RBFOX3: variants seen among roughly 807,000 people sequenced by gnomAD.
RBFOX3 encodes the protein RNA binding protein fox-1 homolog 3.
In RBFOX3, 17 loss-of-function variants were observed where a neutral mutation model predicts 48.7. The observed-to-expected ratio is 0.35, with a 90% CI of 0.24 to 0.52. The LOEUF is 0.52. Among genes scored for constraint, RBFOX3 ranks in the 20% least tolerant of loss-of-function variants. The probability of loss-of-function intolerance (pLI) is 0.94; values close to 1 mark genes in which losing one functional copy is unlikely to be tolerated. For synonymous variants in RBFOX3, 212 were observed against 209.5 expected (o/e 1.01, Z -0.10); for missense variants, 382 against 497.5 (o/e 0.77, Z 2.21).
intron 1 of RBFOX3, among the ~76,000 whole-genome samples, chr17:79,514,499 G>A (rs1461569831): frequency 3.3e-5 from 5 of 152,248 alleles, no homozygotes; most frequent in African/African-American, 9.6e-5. Flanking sequence ...CCTGAGTCAC[G>A]CCTCGTTGTT....
chr17:79,157,996 T>TA (rs2046199554), intron 4 of RBFOX3, among the ~76,000 whole-genome samples: 1 of 152,130 alleles, frequency 6.6e-6, no homozygotes, highest in African/African-American at 2.4e-5. Context: ...CCTAGTACCT[T>TA]AGAATGTGGC....
Position 79,214,292 on chromosome 17 carries a change from T to C in RBFOX3, c.-34+21474A>G, listed in dbSNP as rs1456137729. On this transcript the variant is annotated intron_variant, in intron 4 of 14. Coordinates refer to ENST00000693108, the MANE Select transcript of RBFOX3 (RefSeq NM_001350451.2). This position sits in a 1 kb window ranked among gnomAD's most constrained non-coding sequence, Gnocchi z 4.7. Reference sequence around the variant, plus strand: ...GTTGGTTGCCGGCATGAAAAAACACTTTGCTTAATGATTTTTAATAAAAAT... The same window carrying C: ...GTTGGTTGCCGGCATGAAAAAACACCTTGCTTAATGATTTTTAATAAAAAT... Among the ~76,000 whole-genome samples, 1 of 152,082 alleles carries C rather than the reference T, an allele frequency of 6.6e-6. No homozygotes were observed. The highest frequency in any genetic ancestry group is 1.5e-5 in the Non-Finnish European group (1 of 68,030).
chr17:79,224,914 A>G (rs74001693), intron 4 of RBFOX3, among the ~76,000 whole-genome samples: 14,649 of 152,236 alleles, frequency 0.096, 1,027 homozygotes, highest in African/African-American at 0.2. Context: ...AACCAGGAAA[A>G]CTATTAGTTA....
upstream of RBFOX3, among the ~76,000 whole-genome samples, chr17:79,611,387 G>C (rs1292920718): frequency 6.6e-6 from 1 of 151,754 alleles, no homozygotes; most frequent in African/African-American, 2.4e-5. Context: ...GGTGGGCTTC[G>C]GCGGTCAGCA....
chr17:79,461,209 T>C (rs2075323765), intron 2 of RBFOX3, among the ~76,000 whole-genome samples: 2 of 152,232 alleles, frequency 1.3e-5, no homozygotes, highest in Non-Finnish European at 2.9e-5. Context: ...TAACACATCC[T>C]TTCATTTCAC....
chr17:79,508,239 C>A (rs2083466732), intron 1 of RBFOX3, among the ~76,000 whole-genome samples: 1 of 152,176 alleles, frequency 6.6e-6, no homozygotes, highest in Non-Finnish European at 1.5e-5. Context: ...GCCATGGAGG[C>A]CAGCGTCAGC....
chr17:79,658,272 C>T, the RBFOX3 span, among the ~76,000 whole-genome samples: 2 of 150,170 alleles, frequency 1.3e-5, no homozygotes, highest in East Asian at 3.9e-4. Flanking sequence ...TCCCTCCCTC[C>T]CTGTCTCCTC....
Position 79,440,893 on chromosome 17 carries a change from G to A in RBFOX3, c.-175+41561C>T, listed in dbSNP as rs112556447. 1.3e-4 allele frequency among the ~76,000 whole-genome samples: 20 copies of A among 152,276 alleles called. 1 individual carries two copies. The highest frequency in any genetic ancestry group is 4.3e-4 in the African/African-American group (18 of 41,562). ...TCCTGGTCTTCCCCACACCCCATACGAGGGGACTTGGAGCTCTTTTCAGGC... is the reference window on the plus strand; with the variant it reads ...TCCTGGTCTTCCCCACACCCCATACAAGGGGACTTGGAGCTCTTTTCAGGC... On this transcript the variant is annotated intron_variant, in intron 2 of 14. Transcript: ENST00000693108.
At chr17:79,530,966 C>T (rs1291820449) in intron 1 of RBFOX3, among the ~76,000 whole-genome samples, 14 of 152,206 alleles carry the variant, frequency 9.2e-5, no homozygotes, top group African/African-American at 2.9e-4. Context: ...GCAGGAAGGC[C>T]GCCGTGGATG....
At position 79,204,053 on chromosome 17, in the gene RBFOX3, C is replaced by A. The variant is rs902776998; in HGVS notation, c.-34+31713G>T. On this transcript the variant is annotated intron_variant, in intron 4 of 14. Coordinates refer to ENST00000693108, the MANE Select transcript of RBFOX3 (RefSeq NM_001350451.2). The surrounding 1 kb of genome is among the most constrained non-coding windows in gnomAD (Gnocchi z 4.5). ...TCCATCTTTGCTAAGAGAAAGCAGA[C>A]TTTTCTCACCTGGAGAACCAGCAAA... Among the ~76,000 whole-genome samples the A allele has an allele frequency of 6.6e-6, 1 of 152,158 alleles. No homozygotes were observed. The highest frequency in any genetic ancestry group is 6.5e-5 in the Admixed American group (1 of 15,278).
intron 3 of RBFOX3, among the ~76,000 whole-genome samples, chr17:79,256,762 TCAAAAATTAG>T (rs1418933371): frequency 4.0e-5 from 6 of 151,662 alleles, no homozygotes; most frequent in African/African-American, 1.5e-4. Context: ...CACTAAAAAT[TCAAAAATTAG>T]CCGGGCATGG....
At chr17:79,218,914 G>A (rs899951886) in intron 4 of RBFOX3, among the ~76,000 whole-genome samples, 1 of 152,224 alleles carries the variant, frequency 6.6e-6, no homozygotes, top group African/African-American at 2.4e-5. Context: ...TCAGCCCATG[G>A]GGTGACCAGC....
chr17:79,557,717 G>C (rs1568413803), intron 1 of RBFOX3, among the ~76,000 whole-genome samples: 2 of 152,358 alleles, frequency 1.3e-5, no homozygotes, highest in East Asian at 3.9e-4. Flanking sequence ...AGGGAGGCTG[G>C]ACAGCCATAA....
At chr17:79,610,752 T>TC (rs1654707006) in intron 1 of RBFOX3, among the ~76,000 whole-genome samples, 74 bp downstream of exon 1, 1 of 151,706 alleles carries the variant, frequency 6.6e-6, no homozygotes, top group African/African-American at 2.4e-5. Flanking sequence ...CGCGGCCATG[T>TC]CCCCCTCCCC....
intron 4 of RBFOX3, among the ~76,000 whole-genome samples, chr17:79,151,305 G>T (rs1185529107): frequency 6.7e-6 from 1 of 149,958 alleles, no homozygotes; most frequent in African/African-American, 2.5e-5. Context: ...CCCTGGGTCA[G>T]CTGCCCCACG....
chr17:79,224,582 G>C (rs2060105067), intron 4 of RBFOX3, among the ~76,000 whole-genome samples: 1 of 152,202 alleles, frequency 6.6e-6, no homozygotes, highest in South Asian at 2.1e-4. Flanking sequence ...CTGCGGCCCA[G>C]GGATCCCCTG....
intron 3 of RBFOX3, among the ~76,000 whole-genome samples, chr17:79,251,401 C>T (rs991765882): frequency 6.6e-6 from 1 of 152,164 alleles, no homozygotes; most frequent in Non-Finnish European, 1.5e-5. Context: ...AAAGTTGATT[C>T]AGCACCCCCA....
chr17:79,428,323 C>G (rs1340429133), intron 2 of RBFOX3, among the ~76,000 whole-genome samples: 2 of 152,202 alleles, frequency 1.3e-5, no homozygotes, highest in African/African-American at 4.8e-5. Context: ...CGGGGCAGGA[C>G]GGTCTCCTGC....
chr17:79,330,964 T>G (rs1284759906), intron 2 of RBFOX3, among the ~76,000 whole-genome samples: 1 of 152,188 alleles, frequency 6.6e-6, no homozygotes, highest in African/African-American at 2.4e-5. Context: ...GTCATTTCAC[T>G]CTATGTTGCT....
Sources: allele counts gnomAD v4.1 joint callset (sites outside exome capture counted in the v4.1 genomes callset), GRCh38; gene constraint gnomAD v4.1.1; non-coding constraint Gnocchi (gnomAD v3.1); transcripts MANE v1.5; gene names NCBI Gene and HGNC (gene_info 2026-07-23, HGNC 2026-07-21).